C10orf95: variants seen among roughly 807,000 people sequenced by gnomAD.
The protein encoded by C10orf95 is uncharacterized protein C10orf95.
For synonymous variants in C10orf95, 188 were observed against 160.4 expected (o/e 1.17, Z -1.30); for missense variants, 412 against 327.4 (o/e 1.26, Z -1.99).
At chr10:102,451,235 G>A in intron 1 of C10orf95, 88 bp from the exon 2 acceptor site, 2 of 1,424,122 alleles carry the variant, frequency 1.4e-6, no homozygotes, top group Non-Finnish European at 1.8e-6. Flanking sequence ...GCCGGTTCAT[G>A]GCTTTGGGGG....
rs1049534442 is a variant in C10orf95 at position 102,451,040 on chromosome 10, C to T, written c.54G>A (p.Pro18=). The T allele has an allele frequency of 1.5e-6, 2 of 1,355,036 alleles. No individual in the cohort carries two copies. Among genetic ancestry groups the T allele is most frequent in the Non-Finnish European group, 1.9e-6 (2 of 1,052,612 alleles). 83.9% of individuals were successfully genotyped at this position (1,355,036 alleles called of 1,614,324 possible). The change falls in exon 2 of 2, where the codon CCG becomes CCA. Residue 18 remains proline (P), a synonymous_variant. Coordinates refer to ENST00000625129, the MANE Select transcript of C10orf95 (RefSeq NM_001363580.1). Reference sequence around the variant, plus strand: ...CCAGGTAGGTGCAGGTGAGCAGCTGCGGCGGCGGCGGCCAGACGCCCTGTT... The same window carrying T: ...CCAGGTAGGTGCAGGTGAGCAGCTGTGGCGGCGGCGGCCAGACGCCCTGTT... ...PPKQGVWPPP[P]QLLTCTYLAA... is the part of the protein sequence containing the mutation.
chr10:102,450,520 C>G lies in C10orf95; in HGVS notation c.574G>C (p.Gly192Arg), dbSNP rs750124455. Residue 192 changes from glycine (G) to arginine (R), a missense_variant, in exon 2 of 2, where the codon GGC (glycine) becomes CGC (arginine). By Grantham distance (125) the Gly-to-Arg change is moderately radical. Coordinates refer to ENST00000625129, the MANE Select transcript of C10orf95 (RefSeq NM_001363580.1). The stretch of plus-strand genomic sequence containing the variant: ...GCTTCCCGGGCTGGGCTGCTGTCGC[C>G]GCTGTCGGGCCGGCGCCGCACGCGC... Reference protein sequence around the residue: ...EWRVRRRPDSGDSSPAREAAE... With the variant: ...EWRVRRRPDSRDSSPAREAAE... The G allele has an allele frequency of 7.2e-7, 1 of 1,397,064 alleles. No individual in the cohort carries two copies. Among genetic ancestry groups the G allele is most frequent in the South Asian group, 1.6e-5 (1 of 63,918 alleles). The allele number at this position is 1,397,064 out of a possible 1,614,324, so 86.5% of individuals were successfully genotyped here.
chr10:102,450,709 G>A lies in C10orf95; in HGVS notation c.385C>T (p.Arg129Cys). Reference protein sequence around the residue: ...QTELRWGRVERARGPPLQLPD... With the variant: ...QTELRWGRVECARGPPLQLPD... Reference sequence around the variant, plus strand: ...AGCTGCAGAGGGGGGCCCCGCGCGCGCTCCACGCGGCCCCAGCGCAGCTCG... The same window carrying A: ...AGCTGCAGAGGGGGGCCCCGCGCGCACTCCACGCGGCCCCAGCGCAGCTCG... The change falls in exon 2 of 2, where the codon CGC (arginine) becomes TGC (cysteine). Residue 129 changes from arginine (R) to cysteine (C), a missense_variant. By Grantham distance (180) the Arg-to-Cys change is radical. Transcript: ENST00000625129. 7.9e-7 allele frequency: 1 copy of A among 1,261,480 alleles called. No individual in the cohort carries two copies. The highest frequency in any genetic ancestry group is 1.0e-6 in the Non-Finnish European group (1 of 1,001,954). 78.1% of individuals were successfully genotyped at this position (1,261,480 alleles called of 1,614,324 possible).
Position 102,450,694 on chromosome 10 carries a change from G to C in C10orf95, c.400C>G (p.Pro134Ala), listed in dbSNP as rs983246887. ...CGCACGAAGTCCGGTAGCTGCAGAG[G>C]GGGGCCCCGCGCGCGCTCCACGCGG... ...WGRVERARGP[P>A]LQLPDFVRRE... The change falls in exon 2 of 2, where the codon CCT (proline) becomes GCT (alanine). Residue 134 changes from proline (P) to alanine (A), a missense_variant. Pro to Ala is a conservative substitution (Grantham distance 27). Transcript: ENST00000625129. 965 of 1,251,818 alleles carry C rather than the reference G, an allele frequency of 7.7e-4. No individual in the cohort carries two copies. The highest frequency in any genetic ancestry group is 9.1e-4 in the Non-Finnish European group (904 of 998,658). 77.5% of individuals were successfully genotyped at this position (1,251,818 alleles called of 1,614,324 possible).
At position 102,451,524 on chromosome 10, in the gene C10orf95, G is replaced by T. The variant is rs749157212; in HGVS notation, c.-193C>A. On this transcript the variant is annotated 5_prime_UTR_variant, in exon 1 of 2. Coordinates refer to ENST00000625129, the MANE Select transcript of C10orf95 (RefSeq NM_001363580.1). ...AGGCAAAAGGAAACACCTTGAGCTG[G>T]CCAGGAGCTACCAGCGTCTGTCTAC... The T allele has an allele frequency of 3.0e-6, 4 of 1,333,728 alleles. No homozygotes were observed. The highest frequency in any genetic ancestry group is 4.0e-6 in the Non-Finnish European group (4 of 1,010,460). The allele number at this position is 1,333,728 out of a possible 1,614,324, so 82.6% of individuals were successfully genotyped here. A position where few individuals can be genotyped will look rare whatever the true frequency, so the allele number is the denominator to read the frequency against.
At position 102,450,271 on chromosome 10, in the gene C10orf95, A is replaced by C; in HGVS notation, c.*181T>G. On this transcript the variant is annotated 3_prime_UTR_variant, in exon 2 of 2. Transcript: ENST00000625129. ...GCCCTTCTCCCACCGTCCAGCAATA[A>C]AGCGAGAGAAACAAGTGCAGGAAAC... 1 of 740,556 alleles carries C rather than the reference A, an allele frequency of 1.4e-6. No homozygotes were observed. The highest frequency in any genetic ancestry group is 2.4e-6 in the Non-Finnish European group (1 of 425,050). The allele number at this position is 740,556 out of a possible 1,614,324, so 45.9% of individuals were successfully genotyped here. A position where few individuals can be genotyped will look rare whatever the true frequency, so the allele number is the denominator to read the frequency against.
In C10orf95 at chr10:102,450,725, G is replaced by A. The variant is rs913422989; in HGVS notation, c.369C>T (p.Arg123=). ...CCCGCGCGCGCTCCACGCGGCCCCA[G>A]CGCAGCTCGGTTTGCAGGCTCCCGC... ...PEGGSLQTEL[R]WGRVERARGP... is the part of the protein sequence containing the mutation. Residue 123 remains arginine, a synonymous_variant, in exon 2 of 2, where the codon CGC becomes CGT. Transcript: ENST00000625129. The A allele has an allele frequency of 3.0e-5, 39 of 1,314,906 alleles. No homozygotes were observed. Among genetic ancestry groups the A allele is most frequent in the East Asian group, 2.0e-4 (6 of 29,332 alleles). The allele number at this position is 1,314,906 out of a possible 1,614,324, so 81.5% of individuals were successfully genotyped here. A position where few individuals can be genotyped will look rare whatever the true frequency, so the allele number is the denominator to read the frequency against.
rs755941591 is a variant in C10orf95 at position 102,450,583 on chromosome 10, T to A, written c.511A>T (p.Thr171Ser). 1.6e-5 allele frequency: 20 copies of A among 1,278,676 alleles called. No homozygotes were observed. The highest frequency in any genetic ancestry group is 1.9e-5 in the Non-Finnish European group (19 of 1,017,128). 79.2% of individuals were successfully genotyped at this position (1,278,676 alleles called of 1,614,324 possible). A position where few individuals can be genotyped will look rare whatever the true frequency, so the allele number is the denominator to read the frequency against. The change falls in exon 2 of 2, where the codon ACG (threonine) becomes TCG (serine). Residue 171 changes from threonine to serine, a missense_variant. By Grantham distance (58) the Thr-to-Ser change is moderately conservative. Transcript: ENST00000625129. Reference sequence around the variant, plus strand: ...TGGTCGGGCTCGAGCACGCGCGGCGTCGCCTGCAGCAGGAACTGGCCGCGG... The same window carrying A: ...TGGTCGGGCTCGAGCACGCGCGGCGACGCCTGCAGCAGGAACTGGCCGCGG... ...QRRGQFLLQA[T>S]PRVLEPDHRV...
In C10orf95 at chr10:102,450,803, C is replaced by A; in HGVS notation, c.291G>T (p.Leu97=). The change falls in exon 2 of 2, where the codon CTG becomes CTT. Residue 97 remains leucine, a synonymous_variant. Transcript: ENST00000625129. ...RPCAAAGISG[L]SLQAPAAVAE... ...CCACCGCCGCGGGCGCCTGCAGCGA[C>A]AGTCCCGAGATGCCGGCGGCGGCGC... 1 of 1,267,158 alleles carries A rather than the reference C, an allele frequency of 7.9e-7. No homozygotes were observed. The highest frequency in any genetic ancestry group is 9.9e-7 in the Non-Finnish European group (1 of 1,011,552). The allele number at this position is 1,267,158 out of a possible 1,614,324, so 78.5% of individuals were successfully genotyped here.
At position 102,451,044 on chromosome 10, in the gene C10orf95, G is replaced by A. The variant is rs766296419; in HGVS notation, c.50C>T (p.Pro17Leu). 6 of 1,357,692 alleles carry A rather than the reference G, an allele frequency of 4.4e-6. No homozygotes were observed. Among genetic ancestry groups the A allele is most frequent in the East Asian group, 5.4e-5 (2 of 36,870 alleles). 84.1% of individuals were successfully genotyped at this position (1,357,692 alleles called of 1,614,324 possible). The stretch of plus-strand genomic sequence containing the variant: ...GTAGGTGCAGGTGAGCAGCTGCGGC[G>A]GCGGCGGCCAGACGCCCTGTTTGGG... Reference protein sequence around the residue: ...PPPKQGVWPPPPQLLTCTYLA... With the variant: ...PPPKQGVWPPLPQLLTCTYLA... Residue 17 changes from proline to leucine, a missense_variant, in exon 2 of 2, where the codon CCG (proline) becomes CTG (leucine). Physicochemically the swap from Pro to Leu is moderately conservative, Grantham distance 98 (BLOSUM62 -3). Transcript: ENST00000625129.
In C10orf95 at chr10:102,451,071, G is replaced by T; in HGVS notation, c.23C>A (p.Pro8Gln). Reference protein sequence around the residue: MYVYSWPPPKQGVWPPPP... With the variant: MYVYSWPQPKQGVWPPPP... ...CGGCGGCCAGACGCCCTGTTTGGGC[G>T]GCGGCCAGCTGTACACATACATGGT... Residue 8 changes from proline (P) to glutamine (Q), a missense_variant, in exon 2 of 2, where the codon CCG becomes CAG. Coordinates refer to ENST00000625129, the MANE Select transcript of C10orf95 (RefSeq NM_001363580.1). 7.4e-7 allele frequency: 1 copy of T among 1,357,974 alleles called. No individual in the cohort carries two copies. 84.1% of individuals were successfully genotyped at this position (1,357,974 alleles called of 1,614,324 possible).
Position 102,450,564 on chromosome 10 carries a change from G to T in C10orf95, c.530C>A (p.Pro177His). The change falls in exon 2 of 2, where the codon CCC (proline) becomes CAC (histidine). Residue 177 changes from proline (P) to histidine (H), a missense_variant. By Grantham distance (77) the Pro-to-His change is moderately conservative. Transcript: ENST00000625129. Reference sequence around the variant, plus strand: ...CACGCGCCACTCCACGCGGTGGTCGGGCTCGAGCACGCGCGGCGTCGCCTG... The same window carrying T: ...CACGCGCCACTCCACGCGGTGGTCGTGCTCGAGCACGCGCGGCGTCGCCTG... ...LLQATPRVLEPDHRVEWRVRR... is the reference protein window; with the variant it reads ...LLQATPRVLEHDHRVEWRVRR... 1 of 1,298,806 alleles carries T rather than the reference G, an allele frequency of 7.7e-7. No individual in the cohort carries two copies. Among genetic ancestry groups the T allele is most frequent in the Non-Finnish European group, 9.7e-7 (1 of 1,028,344 alleles). The allele number at this position is 1,298,806 out of a possible 1,614,324, so 80.5% of individuals were successfully genotyped here.
chr10:102,450,822 GCGGCGCAGGGC>G lies in C10orf95; in HGVS notation c.261_271del (p.Pro88ArgfsTer151), dbSNP rs758297752. The G allele has an allele frequency of 2.0e-5, 25 of 1,247,812 alleles. No individual in the cohort carries two copies. Among genetic ancestry groups the G allele is most frequent in the Middle Eastern group, 3.1e-4 (1 of 3,194 alleles). 77.3% of individuals were successfully genotyped at this position (1,247,812 alleles called of 1,614,324 possible). ...CAGCGACAGTCCCGAGATGCCGGCG[GCGGCGCAGGGC>G]CGGCGCAGGGTCGTGGCGTAGGCCG... is the stretch of plus-strand genomic sequence containing the variant. On this transcript the variant is annotated frameshift_variant, in exon 2 of 2. Coordinates refer to ENST00000625129, the MANE Select transcript of C10orf95 (RefSeq NM_001363580.1). LOFTEE classifies it low-confidence loss of function (END_TRUNC).
At position 102,450,584 on chromosome 10, in the gene C10orf95, C is replaced by G. The variant is rs2135482108; in HGVS notation, c.510G>C (p.Ala170=). The change falls in exon 2 of 2, where the codon GCG becomes GCC. Residue 170 remains alanine, a synonymous_variant. Coordinates refer to ENST00000625129, the MANE Select transcript of C10orf95 (RefSeq NM_001363580.1). ...GGTCGGGCTCGAGCACGCGCGGCGT[C>G]GCCTGCAGCAGGAACTGGCCGCGGC... The part of the protein sequence containing the change: ...TQRRGQFLLQ[A]TPRVLEPDHR... 7.8e-7 allele frequency: 1 copy of G among 1,278,140 alleles called. No homozygotes were observed. Among genetic ancestry groups the G allele is most frequent in the Non-Finnish European group, 9.8e-7 (1 of 1,016,712 alleles). 79.2% of individuals were successfully genotyped at this position (1,278,140 alleles called of 1,614,324 possible).
chr10:102,450,132 G>A lies in C10orf95; in HGVS notation c.*320C>T. 1 of 435,402 alleles carries A rather than the reference G, an allele frequency of 2.3e-6. No individual in the cohort carries two copies. The highest frequency in any genetic ancestry group is 4.4e-6 in the Non-Finnish European group (1 of 226,658). 27.0% of individuals were successfully genotyped at this position (435,402 alleles called of 1,614,324 possible). ...AAGCTCCTTAGGAGAAGGTGGGGAG[G>A]AGGAAGGAGGGAGGTCCAGGCCCTT... On this transcript the variant is annotated 3_prime_UTR_variant, in exon 2 of 2. Coordinates refer to ENST00000625129, the MANE Select transcript of C10orf95 (RefSeq NM_001363580.1).
In C10orf95 at chr10:102,451,164, G is replaced by C. The variant is rs1368578395; in HGVS notation, c.-54-17C>G. 2 of 1,461,556 alleles carry C rather than the reference G, an allele frequency of 1.4e-6. No homozygotes were observed. The highest frequency in any genetic ancestry group is 1.8e-6 in the Non-Finnish European group (2 of 1,112,084). The allele number at this position is 1,461,556 out of a possible 1,614,324, so 90.5% of individuals were successfully genotyped here. A position where few individuals can be genotyped will look rare whatever the true frequency, so the allele number is the denominator to read the frequency against. On this transcript the variant is annotated splice_polypyrimidine_tract_variant and intron_variant, in intron 1 of 1. Coordinates refer to ENST00000625129, the MANE Select transcript of C10orf95 (RefSeq NM_001363580.1). ...GATCCAGACCTGCGGCGGAGGAAGG[G>C]ATATGTAGACAGACTTTCTACTTAA...
Position 102,450,626 on chromosome 10 carries a change from G to A in C10orf95, c.468C>T (p.Asp156=), listed in dbSNP as rs1334610674. Residue 156 remains aspartate, a synonymous_variant, in exon 2 of 2, where the codon GAC becomes GAT. Coordinates refer to ENST00000625129, the MANE Select transcript of C10orf95 (RefSeq NM_001363580.1). The part of the protein sequence containing the change: ...RRAYGTYPRA[D]VRVTQRRGQF... ...GGCCGCGGCGCTGGGTGACGCGCAC[G>A]TCGGCGCGGGGGTAGGTGCCGTACG... 8 of 1,237,240 alleles carry A rather than the reference G, an allele frequency of 6.5e-6. No individual in the cohort carries two copies. In the African/African-American group the frequency reaches 1.1e-4, roughly 17 times the overall value. The allele number at this position is 1,237,240 out of a possible 1,614,324, so 76.6% of individuals were successfully genotyped here.
chr10:102,450,651 G>A lies in C10orf95; in HGVS notation c.443C>T (p.Ala148Val), dbSNP rs2061686058. 3.3e-6 allele frequency: 4 copies of A among 1,227,874 alleles called. No individual in the cohort carries two copies. The highest frequency in any genetic ancestry group is 8.8e-5 in the Admixed American group (2 of 22,740). The allele number at this position is 1,227,874 out of a possible 1,614,324, so 76.1% of individuals were successfully genotyped here. ...PDFVRRELRR[A>V]YGTYPRADVR... The stretch of plus-strand genomic sequence containing the variant: ...GTCGGCGCGGGGGTAGGTGCCGTAC[G>A]CGCGCCGCAGCTCCCGGCGCACGAA... The change falls in exon 2 of 2, where the codon GCG (alanine) becomes GTG (valine). Residue 148 changes from alanine (A) to valine (V), a missense_variant. Transcript: ENST00000625129.
In C10orf95 at chr10:102,450,215, C is replaced by T; in HGVS notation, c.*237G>A. 1.5e-6 allele frequency: 1 copy of T among 661,120 alleles called. No individual in the cohort carries two copies. The highest frequency in any genetic ancestry group is 2.8e-6 in the Non-Finnish European group (1 of 358,744). The allele number at this position is 661,120 out of a possible 1,614,324, so 41.0% of individuals were successfully genotyped here. On this transcript the variant is annotated 3_prime_UTR_variant, in exon 2 of 2. Transcript: ENST00000625129. ...CAAGAAGAAAAGAGGTACAGAACAC[C>T]CAGAGGTGCCCTCGATTCCGTCTTG...
Sources: gnomAD v4.1 joint callset for allele counts on GRCh38, gnomAD v4.1.1 for gene constraint, MANE v1.5 for transcripts, NCBI Gene and HGNC (gene_info 2026-07-23, HGNC 2026-07-21) for gene names.